The following TMEM200A variants were observed in gnomAD, a reference collection of about 807,000 sequenced individuals.
TMEM200A encodes the protein two transmembrane C.
In TMEM200A, 12 loss-of-function variants were observed where a neutral mutation model predicts 24.3. That is an observed-to-expected ratio of 0.49 (90% CI 0.32 to 0.80). The LOEUF (loss-of-function observed/expected upper bound fraction) is 0.80. Among genes scored for constraint, TMEM200A ranks in the 30% least tolerant of loss-of-function variants. The pLI, the probability that TMEM200A is intolerant of heterozygous loss-of-function variation, is 0.04. For synonymous variants in TMEM200A, 224 were observed against 224.4 expected (o/e 1.00, Z 0.02); for missense variants, 545 against 614.4 (o/e 0.89, Z 1.19).
intron 2 of TMEM200A, among the ~76,000 whole-genome samples, chr6:130,415,769 A>T (rs1779435347): frequency 6.6e-6 from 1 of 152,190 alleles, no homozygotes; most frequent in Admixed American, 6.5e-5. Flanking sequence ...TATGATGTGT[A>T]GCTGAATTAT....
Position 130,440,488 on chromosome 6 carries a change from A to G in TMEM200A, c.66A>G (p.Ser22=). The G allele has an allele frequency of 6.2e-7, 1 of 1,613,696 alleles. No homozygotes were observed. The highest frequency in any genetic ancestry group is 8.5e-7 in the Non-Finnish European group (1 of 1,179,778). ...AALKRQDSAR[S]QQHVNLSPSP... ...TGAAAAGGCAAGACTCTGCCAGATC[A>G]CAGCAGCATGTCAACCTCAGCCCGT... The change falls in exon 3 of 3, where the codon TCA becomes TCG. Residue 22 remains serine (S), a synonymous_variant. Transcript: ENST00000296978.
intron 2 of TMEM200A, among the ~76,000 whole-genome samples, chr6:130,432,639 T>G (rs1779905849): frequency 6.6e-6 from 1 of 152,230 alleles, no homozygotes; most frequent in Non-Finnish European, 1.5e-5. Context: ...ATGTGAGCTA[T>G]GAAGAGTTAG....
chr6:130,378,339 A>T (rs995506621), intron 1 of TMEM200A, among the ~76,000 whole-genome samples: 2 of 151,674 alleles, frequency 1.3e-5, no homozygotes, highest in Non-Finnish European at 2.9e-5. Context: ...TTAAAATCCC[A>T]GGTGTCTGTG....
chr6:130,374,418 G>T (rs77324007), intron 1 of TMEM200A, among the ~76,000 whole-genome samples: 22 of 81,894 alleles, frequency 2.7e-4, no homozygotes, highest in Non-Finnish European at 3.4e-4. Flanking sequence ...TTTTGTTTTT[G>T]TTTTTTTTTT....
chr6:130,420,891 G>T (rs946798262), intron 2 of TMEM200A, among the ~76,000 whole-genome samples: 2 of 152,048 alleles, frequency 1.3e-5, no homozygotes, highest in Admixed American at 6.6e-5. Flanking sequence ...TCATGGCCAG[G>T]CTGTGACCAC....
At chr6:130,440,024 G>T (rs1322025703) in intron 2 of TMEM200A, among the ~76,000 whole-genome samples, 2 of 148,628 alleles carry the variant, frequency 1.3e-5, no homozygotes, top group Admixed American at 6.6e-5. Context: ...GTGTGTGTGT[G>T]TATGTGTGTG....
chr6:130,386,968 G>A (rs1778725099), intron 2 of TMEM200A, among the ~76,000 whole-genome samples: 1 of 152,166 alleles, frequency 6.6e-6, no homozygotes, highest in Non-Finnish European at 1.5e-5. Flanking sequence ...AGTTATGGTG[G>A]AGGCAGTCAC....
At chr6:130,417,818 G>T (rs750941406) in intron 2 of TMEM200A, among the ~76,000 whole-genome samples, 1 of 152,114 alleles carries the variant, frequency 6.6e-6, no homozygotes, top group Non-Finnish European at 1.5e-5. Flanking sequence ...ACAAAACCTT[G>T]TCCTGGTTGA....
intron 2 of TMEM200A, among the ~76,000 whole-genome samples, chr6:130,409,843 T>G (rs758908755): frequency 9.2e-5 from 14 of 151,872 alleles, no homozygotes; most frequent in Admixed American, 2.0e-4. Context: ...TCTCTCAGTT[T>G]TTTTTTTTTA....
intron 2 of TMEM200A, among the ~76,000 whole-genome samples, chr6:130,387,299 C>A (rs957959790): frequency 6.6e-6 from 1 of 152,054 alleles, no homozygotes; most frequent in African/African-American, 2.4e-5. Flanking sequence ...TTTTGACGGA[C>A]TCTCGCTCTG....
chr6:130,405,847 A>T (rs1386525202), intron 2 of TMEM200A, among the ~76,000 whole-genome samples: 1 of 152,136 alleles, frequency 6.6e-6, no homozygotes, highest in African/African-American at 2.4e-5. Flanking sequence ...GATGATAGAC[A>T]CTGCACATGC....
Position 130,440,930 on chromosome 6 carries a change from A to T in TMEM200A, c.508A>T (p.Ile170Phe). Residue 170 changes from isoleucine (I) to phenylalanine (F), a missense_variant, in exon 3 of 3, where the codon ATT (isoleucine) becomes TTT (phenylalanine). Ile to Phe is a conservative substitution (Grantham distance 21). Transcript: ENST00000296978. ...GGATATCTATTCCACAGTCATTGAC[A>T]TTCACACGCTAAGAATCAAGGAGCA... ...MRDIYSTVID[I>F]HTLRIKEQRQ... 1.2e-6 allele frequency: 2 copies of T among 1,614,108 alleles called. No homozygotes were observed. The highest frequency in any genetic ancestry group is 1.7e-6 in the Non-Finnish European group (2 of 1,180,004).
At chr6:130,376,054 A>G (rs1778449475) in intron 1 of TMEM200A, among the ~76,000 whole-genome samples, 1 of 152,030 alleles carries the variant, frequency 6.6e-6, no homozygotes, top group Non-Finnish European at 1.5e-5. Flanking sequence ...GAATATATAG[A>G]GCTTAGTAAG....
chr6:130,439,329 G>A (rs137940708), intron 2 of TMEM200A: 5 of 152,288 alleles, frequency 3.3e-5, no homozygotes, highest in South Asian at 2.1e-4. Flanking sequence ...AAAGGACATC[G>A]TATATTGGAA....
intron 2 of TMEM200A, among the ~76,000 whole-genome samples, chr6:130,434,020 A>G (rs1253121851): frequency 6.6e-6 from 1 of 152,188 alleles, no homozygotes; most frequent in East Asian, 1.9e-4. Flanking sequence ...TAGCTCCATC[A>G]TAGCAATTCT....
chr6:130,436,485 C>CAAA (rs11462643), intron 2 of TMEM200A, among the ~76,000 whole-genome samples: 6 of 114,824 alleles, frequency 5.2e-5, no homozygotes, highest in Non-Finnish European at 9.5e-5. Flanking sequence ...CAGCATTGAC[C>CAAA]AAAAAAAAAA....
intron 1 of TMEM200A, among the ~76,000 whole-genome samples, chr6:130,376,490 C>G (rs1341787962): frequency 6.6e-6 from 1 of 152,098 alleles, no homozygotes; most frequent in Non-Finnish European, 1.5e-5. Context: ...ACCATGTTGG[C>G]CAGGCTGGGC....
chr6:130,420,687 G>A (rs558460408), intron 2 of TMEM200A, among the ~76,000 whole-genome samples: 3 of 152,112 alleles, frequency 2.0e-5, no homozygotes, highest in South Asian at 2.1e-4. Context: ...CTTCAGCCTC[G>A]GGTCCTTAGC....
At chr6:130,439,133 G>A (rs1332137962) in intron 2 of TMEM200A, 1 of 152,204 alleles carries the variant, frequency 6.6e-6, no homozygotes, top group South Asian at 2.1e-4. Flanking sequence ...ACTTTGGTAG[G>A]TAGTGGAGAA....
Sources: allele counts gnomAD v4.1 joint callset (sites outside exome capture counted in the v4.1 genomes callset), GRCh38; gene constraint gnomAD v4.1.1; transcripts MANE v1.5; gene names NCBI Gene and HGNC (gene_info 2026-07-23, HGNC 2026-07-21).